Variants in MYO18A observed in about 807,000 individuals in gnomAD.
The protein encoded by MYO18A is unconventional myosin-XVIIIa.
In MYO18A, 78 loss-of-function variants were observed where a neutral mutation model predicts 235.8. The observed-to-expected ratio is 0.33, with a 90% CI of 0.28 to 0.40. The LOEUF is 0.40. Ranked by LOEUF, MYO18A falls within the 10% of genes least tolerant of loss-of-function variation. The pLI, the probability that MYO18A is intolerant of heterozygous loss-of-function variation, is 1.00. For missense variants in MYO18A, 2,215 were observed against 2,699.3 expected, an observed-to-expected ratio of 0.82 and a Z score of 3.98; for synonymous variants, 977 against 1,077.8, an observed-to-expected ratio of 0.91 and a Z score of 1.83.
chr17:29,136,784 A>C (rs1181366261), intron 2 of MYO18A, among the ~76,000 whole-genome samples: 1 of 152,208 alleles, frequency 6.6e-6, no homozygotes, highest in Non-Finnish European at 1.5e-5. Flanking sequence ...CAGCTTTGGT[A>C]GCCAAATCTG....
intron 21 of MYO18A, among the ~76,000 whole-genome samples, chr17:29,100,323 A>G (rs2066623579): frequency 6.6e-6 from 1 of 152,184 alleles, no homozygotes; most frequent in Non-Finnish European, 1.5e-5. Flanking sequence ...GGTGGTGGGA[A>G]GCTCCTGCCT....
At chr17:29,147,214 G>A (rs983575567) in intron 2 of MYO18A, among the ~76,000 whole-genome samples, 1 of 152,204 alleles carries the variant, frequency 6.6e-6, no homozygotes, top group Non-Finnish European at 1.5e-5. Flanking sequence ...GATTTAACCT[G>A]TGCCTTAAGA....
intron 15 of MYO18A, among the ~76,000 whole-genome samples, chr17:29,112,420 G>A (rs2066954061): frequency 6.6e-6 from 1 of 152,220 alleles, no homozygotes; most frequent in Non-Finnish European, 1.5e-5. Context: ...GTGACTTAAC[G>A]GACGTGGCAG....
chr17:29,168,927 C>T (rs2068338685), intron 1 of MYO18A, among the ~76,000 whole-genome samples: 1 of 152,092 alleles, frequency 6.6e-6, no homozygotes, highest in Non-Finnish European at 1.5e-5. Flanking sequence ...CCCAGCACTT[C>T]GGGAGGCCGA....
intron 41 of MYO18A, chr17:29,080,283 G>A: frequency 1.0e-6 from 1 of 986,050 alleles, no homozygotes; most frequent in East Asian, 1.1e-4. Context: ...CCAGGTCTGG[G>A]TCCAGGTAGG....
intron 21 of MYO18A, among the ~76,000 whole-genome samples, chr17:29,100,820 C>G (rs72815782): frequency 0.015 from 2,292 of 152,308 alleles, 37 homozygotes; most frequent in Non-Finnish European, 0.025. Flanking sequence ...AGCAAAGATG[C>G]AAAGAGAGGG....
chr17:29,122,671 G>T (rs1468785714), intron 2 of MYO18A, among the ~76,000 whole-genome samples: 1 of 152,246 alleles, frequency 6.6e-6, no homozygotes, highest in Admixed American at 6.5e-5. Flanking sequence ...CAGCTACTAG[G>T]ATCTTCCGTG....
At chr17:29,091,399 G>T (rs958972444) in intron 34 of MYO18A, 4 of 334,128 alleles carry the variant, frequency 1.2e-5, no homozygotes, top group Non-Finnish European at 2.4e-5. Context: ...CCCCTCCTTG[G>T]GGGAGGGGAA....
chr17:29,125,194 A>G lies in MYO18A; in HGVS notation c.1000-2941T>C, dbSNP rs1257109653. On this transcript the variant is annotated intron_variant, in intron 2 of 41. Transcript: ENST00000527372. The surrounding 1 kb of genome is among the most constrained non-coding windows in gnomAD (Gnocchi z 5.1). ...GTTCCTTGCCTTCTAACACAGCCCA[A>G]GGGTGCCACTCCCTAGGCCAAGGGC... Among the ~76,000 whole-genome samples the G allele has an allele frequency of 6.6e-6, 1 of 152,158 alleles. No individual in the cohort carries two copies. The highest frequency in any genetic ancestry group is 1.5e-5 in the Non-Finnish European group (1 of 68,000).
chr17:29,075,115 C>T (rs1249193406), intron 41 of MYO18A: 9 of 571,870 alleles, frequency 1.6e-5, no homozygotes, highest in Non-Finnish European at 2.5e-5. Context: ...TTTAAAGCTC[C>T]GAGGAAAGGG....
chr17:29,149,183 C>T (rs2067917304), intron 2 of MYO18A, among the ~76,000 whole-genome samples: 1 of 152,246 alleles, frequency 6.6e-6, no homozygotes, highest in African/African-American at 2.4e-5. Flanking sequence ...TCTCGCCGTC[C>T]CCAGGACGCG....
At chr17:29,129,212 C>T in intron 2 of MYO18A, 1 of 887,220 alleles carries the variant, frequency 1.1e-6, no homozygotes, top group Non-Finnish European at 1.6e-6. Flanking sequence ...ACTGTCTGCC[C>T]TTCATCTATG....
chr17:29,174,523 A>T (rs889806003), intron 1 of MYO18A, among the ~76,000 whole-genome samples: 7 of 152,082 alleles, frequency 4.6e-5, no homozygotes, highest in African/African-American at 9.7e-5. Context: ...AAAAATAAAA[A>T]AAAATAAAAT....
intron 41 of MYO18A, chr17:29,076,498 T>C (rs1470166006): frequency 2.0e-5 from 3 of 152,220 alleles, no homozygotes; most frequent in Non-Finnish European, 4.4e-5. Flanking sequence ...AATGGGGCAG[T>C]CTGGTTAATA....
chr17:29,131,343 A>G (rs1476115207), intron 2 of MYO18A: 4 of 970,052 alleles, frequency 4.1e-6, no homozygotes, highest in East Asian at 1.1e-4. Flanking sequence ...ATGCCCGCAC[A>G]CACACACGCA....
At chr17:29,178,858 C>G (rs1271929671) in intron 1 of MYO18A, among the ~76,000 whole-genome samples, 1 of 152,272 alleles carries the variant, frequency 6.6e-6, no homozygotes, top group Non-Finnish European at 1.5e-5. Context: ...TACTCACCGT[C>G]CTGCTCAGGT....
At chr17:29,154,101 A>AGTGTGTGTGTGTGTGT (rs61393170) in intron 2 of MYO18A, among the ~76,000 whole-genome samples, 8 of 150,288 alleles carry the variant, frequency 5.3e-5, no homozygotes, top group African/African-American at 1.7e-4. Context: ...AATTCTGCAG[A>AGTGTGTGTGTGTGTGT]GTGTGTGTGT....
At chr17:29,146,464 C>T (rs1430892634) in intron 2 of MYO18A, among the ~76,000 whole-genome samples, 6 of 152,158 alleles carry the variant, frequency 3.9e-5, no homozygotes. Flanking sequence ...CCCATTCCTC[C>T]ATCCTCTGAT....
In MYO18A at chr17:29,106,929, G is replaced by A; in HGVS notation, c.3441+151C>T. On this transcript the variant is annotated intron_variant, in intron 20 of 41. Coordinates refer to ENST00000527372, the MANE Select transcript of MYO18A (RefSeq NM_078471.4). This position sits in a 1 kb window ranked among gnomAD's most constrained non-coding sequence, Gnocchi z 4.6. ...CTCTTCTCCAGCTCCTATGGTCTGG[G>A]CCCCAGGACACAGCTGGGTGCTTCC... is the stretch of plus-strand genomic sequence containing the variant. 2.8e-6 allele frequency: 2 copies of A among 726,430 alleles called. No homozygotes were observed. The highest frequency in any genetic ancestry group is 4.7e-6 in the Non-Finnish European group (2 of 428,056). The allele number at this position is 726,430 out of a possible 1,614,324, so 45.0% of individuals were successfully genotyped here.
Sources: allele counts gnomAD v4.1 joint callset (sites outside exome capture counted in the v4.1 genomes callset), GRCh38; gene constraint gnomAD v4.1.1; non-coding constraint Gnocchi (gnomAD v3.1); transcripts MANE v1.5; gene names NCBI Gene and HGNC (gene_info 2026-07-23, HGNC 2026-07-21).